RPH3A: variants seen among roughly 807,000 people sequenced by gnomAD.
RPH3A encodes the protein rabphilin 3A, also known as rabphilin-3A.
Under a neutral mutation model 102.2 loss-of-function variants are expected in RPH3A, and 48 were observed. That is an observed-to-expected ratio of 0.47 (90% CI 0.37 to 0.60). The LOEUF is 0.60. RPH3A is among the 20% of genes least tolerant of loss of function. RPH3A has a pLI of 0.00. For missense variants in RPH3A, 781 were observed against 910.1 expected, an observed-to-expected ratio of 0.86 and a Z score of 1.83; for synonymous variants, 310 against 324.3, an observed-to-expected ratio of 0.96 and a Z score of 0.47.
At position 112,866,827 on chromosome 12, in the gene RPH3A, T is replaced by C. The variant is rs1434187311; in HGVS notation, c.431T>C (p.Ile144Thr). 2 of 1,609,606 alleles carry C rather than the reference T, an allele frequency of 1.2e-6. No homozygotes were observed. Among genetic ancestry groups the C allele is most frequent in the Non-Finnish European group, 1.7e-6 (2 of 1,177,806 alleles). The change falls in exon 7 of 22, where the codon ATT (isoleucine) becomes ACT (threonine). Residue 144 changes from isoleucine to threonine, a missense_variant. Coordinates refer to ENST00000389385, the MANE Select transcript of RPH3A (RefSeq NM_001143854.2). Reference protein sequence around the residue: ...LHSVWLCKICIEQREVWKRSG... With the variant: ...LHSVWLCKICTEQREVWKRSG... ...TCTGTGTGGCTCTGCAAAATCTGCA[T>C]TGAGCAGAGGGAGGTGAGTGCCCTG...
intron 1 of RPH3A, among the ~76,000 whole-genome samples, chr12:112,746,337 C>G (rs1392323801): frequency 6.6e-6 from 1 of 152,134 alleles, no homozygotes; most frequent in Non-Finnish European, 1.5e-5. Flanking sequence ...GAGGGACGTA[C>G]ATGCTCATGT....
chr12:112,685,564 C>T (rs1380806970), intron 1 of RPH3A, among the ~76,000 whole-genome samples: 1 of 152,162 alleles, frequency 6.6e-6, no homozygotes, highest in Non-Finnish European at 1.5e-5. Flanking sequence ...GGAGTCACTA[C>T]CTGGTTCGCT....
intron 2 of RPH3A, among the ~76,000 whole-genome samples, chr12:112,824,908 A>C (rs977911827): frequency 2.0e-5 from 3 of 152,156 alleles, no homozygotes; most frequent in Non-Finnish European, 4.4e-5. Flanking sequence ...CTGGGAGGTG[A>C]TCATGTGTCT....
In RPH3A at chr12:112,731,362, A is replaced by G. The variant is rs746499513; in HGVS notation, c.-139-60781A>G. Among the ~76,000 whole-genome samples the G allele has an allele frequency of 2.6e-5, 4 of 152,344 alleles. No homozygotes were observed. The East Asian group carries it at 7.7e-4, about 29-fold the overall frequency. On this transcript the variant is annotated intron_variant, in intron 1 of 21. Transcript: ENST00000543106. ...TATGTTAGGCAGTCCAGAAGTGACA[A>G]TCATTTTATACATCCTTCAATGCAT...
At chr12:112,631,660 C>T (rs2039806361) in intron 1 of RPH3A, among the ~76,000 whole-genome samples, 1 of 151,640 alleles carries the variant, frequency 6.6e-6, no homozygotes, top group South Asian at 2.1e-4. Context: ...GTAGGTGGGA[C>T]CACAGCTATA....
intron 5 of RPH3A, 40 bp from the exon 6 acceptor site, chr12:112,865,374 A>G (rs1295491792): frequency 6.2e-7 from 1 of 1,607,168 alleles, no homozygotes; most frequent in African/African-American, 1.3e-5. Flanking sequence ...GGTGGTCCCC[A>G]GTCCTACAAG....
At chr12:112,691,924 A>G (rs1036059885) in intron 1 of RPH3A, among the ~76,000 whole-genome samples, 7 of 152,240 alleles carry the variant, frequency 4.6e-5, no homozygotes, top group African/African-American at 1.7e-4. Context: ...TCCAATAGAA[A>G]TAGAATGTGA....
At chr12:112,725,014 C>T (rs2040577063) in intron 1 of RPH3A, among the ~76,000 whole-genome samples, 1 of 148,704 alleles carries the variant, frequency 6.7e-6, no homozygotes, top group Non-Finnish European at 1.5e-5. Flanking sequence ...TTTGGGAGGC[C>T]AATGTGGGAA....
intron 1 of RPH3A, among the ~76,000 whole-genome samples, chr12:112,716,918 C>A (rs1196434436): frequency 6.6e-6 from 1 of 152,198 alleles, no homozygotes; most frequent in Admixed American, 6.5e-5. Context: ...GTGGACAAGA[C>A]AAGCAAGTAA....
chr12:112,803,851 GC>G (rs5800968), intron 2 of RPH3A, among the ~76,000 whole-genome samples: 148 of 152,102 alleles, frequency 9.7e-4, no homozygotes, highest in African/African-American at 3.4e-3. Context: ...TGCAATACTT[GC>G]CAGCCTGTGA....
At chr12:112,585,051 G>A (rs1436235180) in intron 1 of RPH3A, among the ~76,000 whole-genome samples, 1 of 152,102 alleles carries the variant, frequency 6.6e-6, no homozygotes, top group Non-Finnish European at 1.5e-5. Context: ...CGCTAGTGTA[G>A]GTCCAAAAGT....
At chr12:112,592,425 T>C (rs117367092) in intron 1 of RPH3A, among the ~76,000 whole-genome samples, 7,487 of 152,214 alleles carry the variant, frequency 0.049, 264 homozygotes, top group South Asian at 0.14. Context: ...TTCAAGCGGC[T>C]CTTCTGCCTC....
rs561736778 is a variant in RPH3A, at chr12:112,732,912, G to T, written c.-139-59231G>T. ...ATTGCTGTCATTAAGAGGATTAAAAGGTAATTGGACTTTGGGAATGTTTTT... is the reference window on the plus strand; with the variant it reads ...ATTGCTGTCATTAAGAGGATTAAAATGTAATTGGACTTTGGGAATGTTTTT... On this transcript the variant is annotated intron_variant, in intron 1 of 21. Coordinates refer to the RPH3A transcript ENST00000543106. Among the ~76,000 whole-genome samples the T allele has an allele frequency of 3.5e-4, 53 of 152,260 alleles. 1 individual carries two copies. The South Asian group carries it at 4.2e-3, about 12-fold the overall frequency.
Position 112,897,047 on chromosome 12 carries a change from G to A in RPH3A, c.*267G>A. 1 of 408,968 alleles carries A rather than the reference G, an allele frequency of 2.4e-6. No homozygotes were observed. The highest frequency in any genetic ancestry group is 4.5e-6 in the Non-Finnish European group (1 of 222,152). The allele number at this position is 408,968 out of a possible 1,614,324, so 25.3% of individuals were successfully genotyped here. ...GGGGTTGGGGAGACGTTTACAAAGA[G>A]GTTGATCATTTAATAACCTCTCAGT... On this transcript the variant is annotated 3_prime_UTR_variant, in exon 22 of 22. Transcript: ENST00000389385.
At chr12:112,673,538 T>TAAA (rs200882591) in intron 1 of RPH3A, among the ~76,000 whole-genome samples, 4,474 of 144,458 alleles carry the variant, frequency 0.031, 155 homozygotes, top group South Asian at 0.11. Flanking sequence ...TTTTAAAAAC[T>TAAA]AAAAAAAAAA....
At chr12:112,610,965 TTA>T (rs1368464761) in intron 1 of RPH3A, among the ~76,000 whole-genome samples, 1 of 152,190 alleles carries the variant, frequency 6.6e-6, no homozygotes, top group Non-Finnish European at 1.5e-5. Flanking sequence ...ATTTACTTTC[TTA>T]GTTACAGTTA....
In RPH3A at chr12:112,824,288, T is replaced by C. The variant is rs373493330; in HGVS notation, c.-18-4013T>C. ...CTACCCTCCTCTTATTCATTAGCCA[T>C]TGGCTTTGTGCTGCTCCCTGGTATC... is the stretch of plus-strand genomic sequence containing the variant. On this transcript the variant is annotated intron_variant, in intron 2 of 21. Transcript: ENST00000389385. Among the ~76,000 whole-genome samples the C allele has an allele frequency of 1.9e-4, 29 of 152,304 alleles. No homozygotes were observed. In the South Asian group the frequency reaches 3.9e-3, roughly 21 times the overall value.
intron 1 of RPH3A, among the ~76,000 whole-genome samples, chr12:112,665,706 T>C (rs1180586733): frequency 6.6e-6 from 1 of 152,230 alleles, no homozygotes; most frequent in Non-Finnish European, 1.5e-5. Flanking sequence ...TTTCCTCAAA[T>C]TTCTTTTATC....
intron 1 of RPH3A, among the ~76,000 whole-genome samples, chr12:112,712,403 T>C (rs1455834141): frequency 6.6e-6 from 1 of 152,230 alleles, no homozygotes; most frequent in Non-Finnish European, 1.5e-5. Flanking sequence ...GGCAATTTCT[T>C]ATGTTTCAAT....
Sources: allele counts gnomAD v4.1 joint callset (sites outside exome capture counted in the v4.1 genomes callset), GRCh38; gene constraint gnomAD v4.1.1; transcripts MANE v1.5; gene names NCBI Gene and HGNC (gene_info 2026-07-23, HGNC 2026-07-21).